Variants in SLC6A18 observed in about 807,000 individuals in gnomAD.
The protein encoded by SLC6A18 is solute carrier family 6 member 18, also known as inactive sodium-dependent neutral amino acid transporter B(0)AT3.
SLC6A18 carries 58 observed loss-of-function variants against 62.9 expected under a neutral mutation model. That is an observed-to-expected ratio of 0.92 (90% CI 0.75 to 1.15). The LOEUF (loss-of-function observed/expected upper bound fraction) is 1.15. Among genes scored for constraint, SLC6A18 ranks in the 50% most tolerant of loss-of-function variants. The probability of loss-of-function intolerance (pLI) is 0.00; values close to 1 mark genes in which losing one functional copy is unlikely to be tolerated. For synonymous variants in SLC6A18, 382 were observed against 365.8 expected (o/e 1.04, Z -0.51); for missense variants, 793 against 836.6 (o/e 0.95, Z 0.64).
At chr5:1,232,139 C>A in intron 1 of SLC6A18, 80 bp from the exon 2 acceptor site, 2 of 1,327,616 alleles carry the variant, frequency 1.5e-6, no homozygotes, top group Non-Finnish European at 2.1e-6. Flanking sequence ...TTGAAGACCA[C>A]AGGTGGCTCC....
rs750552565 is a variant in SLC6A18, at chr5:1,243,808, C to T, written c.1336+49C>T. The stretch of plus-strand genomic sequence containing the variant: ...TGGAGGACCCGTCCCCAGCATCTGA[C>T]TGTCCACTCCCGCCCGCTGTCCAGA... On this transcript the variant is annotated intron_variant, in intron 9 of 11. Coordinates refer to ENST00000324642, the MANE Select transcript of SLC6A18 (RefSeq NM_182632.3). The surrounding 1 kb of genome is among the most constrained non-coding windows in gnomAD (Gnocchi z 6.5). 6.9e-5 allele frequency: 104 copies of T among 1,511,756 alleles called. No homozygotes were observed. The highest frequency in any genetic ancestry group is 4.0e-4 in the Middle Eastern group (2 of 5,038). 93.6% of individuals were successfully genotyped at this position (1,511,756 alleles called of 1,614,324 possible).
intron 1 of SLC6A18, among the ~76,000 whole-genome samples, chr5:1,229,209 C>A (rs563370917): frequency 6.6e-6 from 1 of 152,060 alleles, no homozygotes; most frequent in Non-Finnish European, 1.5e-5. Context: ...GCTGTGGCCA[C>A]GATCTCGTAT....
intron 11 of SLC6A18, 115 bp from the exon 12 acceptor site, chr5:1,245,733 T>C (rs1747199432): frequency 1.7e-6 from 2 of 1,158,900 alleles, no homozygotes; most frequent in African/African-American, 1.6e-5. Context: ...GCCTTTTCCA[T>C]TCCCATCCAA....
chr5:1,232,261 G>A lies in SLC6A18; in HGVS notation c.203G>A (p.Gly68Glu), dbSNP rs1219905024. 1 of 1,612,998 alleles carries A rather than the reference G, an allele frequency of 6.2e-7. No individual in the cohort carries two copies. The highest frequency in any genetic ancestry group is 1.1e-5 in the South Asian group (1 of 90,826). Reference sequence around the variant, plus strand: ...TACGTCATCGCGCTGGTCTTCGAGGGGATCCCCATTTTCCACGTCGAGCTC... The same window carrying A: ...TACGTCATCGCGCTGGTCTTCGAGGAGATCCCCATTTTCCACGTCGAGCTC... Reference protein sequence around the residue: ...IPYVIALVFEGIPIFHVELAI... With the variant: ...IPYVIALVFEEIPIFHVELAI... The change falls in exon 2 of 12, where the codon GGG (glycine) becomes GAG (glutamate). Residue 68 changes from glycine to glutamate, a missense_variant. Coordinates refer to ENST00000324642, the MANE Select transcript of SLC6A18 (RefSeq NM_182632.3).
rs563072040 is a variant in SLC6A18, at chr5:1,239,856, C to T, written c.845+294C>T. ...CCTCAATGGTCACCTGAAATAGACTCAAGGCCCGTTGGTGCCGACATGAGC... is the reference window on the plus strand; with the variant it reads ...CCTCAATGGTCACCTGAAATAGACTTAAGGCCCGTTGGTGCCGACATGAGC... On this transcript the variant is annotated intron_variant, in intron 6 of 11. Coordinates refer to ENST00000324642, the MANE Select transcript of SLC6A18 (RefSeq NM_182632.3). Among the ~76,000 whole-genome samples, 6 of 152,348 alleles carry T rather than the reference C, an allele frequency of 3.9e-5. No individual in the cohort carries two copies. The South Asian group carries it at 1.2e-3, about 32-fold the overall frequency.
At position 1,244,351 on chromosome 5, in the gene SLC6A18, G is replaced by A. The variant is rs199799722; in HGVS notation, c.1474G>A (p.Val492Ile). Residue 492 changes from valine to isoleucine, a missense_variant, in exon 10 of 12, where the codon GTT becomes ATT. Physicochemically the swap from Val to Ile is conservative, Grantham distance 29 (BLOSUM62 3). Coordinates refer to ENST00000324642, the MANE Select transcript of SLC6A18 (RefSeq NM_182632.3). The stretch of plus-strand genomic sequence containing the variant: ...GGCCTTTCTCGAGGTTGTGGGTGTC[G>A]TTTATGTTTATGGAATGAAACGGTG... ...MLAFLEVVGV[V>I]YVYGMKRFCD... 13 of 1,614,124 alleles carry A rather than the reference G, an allele frequency of 8.1e-6. No homozygotes were observed. Among genetic ancestry groups the A allele is most frequent in the African/African-American group, 2.7e-5 (2 of 75,034 alleles).
Position 1,242,822 on chromosome 5 carries a change from C to A in SLC6A18, c.1090C>A (p.Leu364Ile), listed in dbSNP as rs746344297. ...CACCTGGCCCAAGAGGGTGGCCCAG[C>A]TCCCCCTGAAGGCCTGCCTCCTGGA... The part of the protein sequence containing the change: ...NATWPKRVAQ[L>I]PLKACLLEDF... The change falls in exon 8 of 12, where the codon CTC becomes ATC. Residue 364 changes from leucine (L) to isoleucine (I), a missense_variant. Transcript: ENST00000324642. 6.2e-7 allele frequency: 1 copy of A among 1,613,528 alleles called. No homozygotes were observed. Among genetic ancestry groups the A allele is most frequent in the Non-Finnish European group, 8.5e-7 (1 of 1,179,652 alleles).
chr5:1,232,351 G>A lies in SLC6A18; in HGVS notation c.293G>A (p.Ser98Asn), dbSNP rs775308596. ...TGGACGGCCATCTCCCCGTACCTCA[G>A]TGGAGTAGGTAGGCCACCGTCCTCG... ...GVWTAISPYL[S>N]GVGLGCVTLS... The change falls in exon 2 of 12, where the codon AGT (serine) becomes AAT (asparagine). Residue 98 changes from serine to asparagine, a missense_variant. Transcript: ENST00000324642. 7.5e-6 allele frequency: 12 copies of A among 1,610,326 alleles called. No homozygotes were observed. The highest frequency in any genetic ancestry group is 1.8e-4 in the Middle Eastern group (1 of 5,446).
chr5:1,231,702 C>T (rs1044988950), intron 1 of SLC6A18, among the ~76,000 whole-genome samples: 4 of 152,202 alleles, frequency 2.6e-5, no homozygotes, highest in African/African-American at 9.7e-5. Flanking sequence ...CATGCTCAGT[C>T]AGCACTTTAT....
intron 7 of SLC6A18, among the ~76,000 whole-genome samples, chr5:1,242,004 C>T (rs1035199362): frequency 6.7e-6 from 1 of 150,010 alleles, no homozygotes; most frequent in Admixed American, 6.6e-5. Context: ...ATCCATGTGT[C>T]CCGCCCTTGG....
chr5:1,225,522 G>A lies in SLC6A18; in HGVS notation c.45G>A (p.Gly15=), dbSNP rs142708752. 29 of 1,613,386 alleles carry A rather than the reference G, an allele frequency of 1.8e-5. No homozygotes were observed. The South Asian group carries it at 3.0e-4, about 16-fold the overall frequency. The change falls in exon 1 of 12, where the codon GGG becomes GGA. Residue 15 remains glycine, a synonymous_variant. Transcript: ENST00000324642. ...PEPDPAACDL[G]DERPKWDNKA... is the part of the protein sequence containing the mutation. ...CGGACCCGGCCGCCTGCGACCTCGG[G>A]GATGAGAGGCCCAAGTGGGACAACA...
At position 1,243,929 on chromosome 5, in the gene SLC6A18, G is replaced by A. The variant is rs1024034894; in HGVS notation, c.1336+170G>A. On this transcript the variant is annotated intron_variant, in intron 9 of 11. Coordinates refer to ENST00000324642, the MANE Select transcript of SLC6A18 (RefSeq NM_182632.3). This position sits in a 1 kb window ranked among gnomAD's most constrained non-coding sequence, Gnocchi z 6.5. The stretch of plus-strand genomic sequence containing the variant: ...TGCTGACAGCCATCAACGGAGAGCC[G>A]AGGGTCGAGGGAGGGTCAGGGCTGC... Among the ~76,000 whole-genome samples the A allele has an allele frequency of 3.9e-5, 6 of 152,180 alleles. No homozygotes were observed. The highest frequency in any genetic ancestry group is 1.9e-4 in the East Asian group (1 of 5,186).
At chr5:1,232,444 T>A in intron 2 of SLC6A18, 85 bp downstream of exon 2, 2 of 1,485,416 alleles carry the variant, frequency 1.3e-6, no homozygotes, top group Non-Finnish European at 1.8e-6. Flanking sequence ...GGCGGGTCCA[T>A]GCCTGTGGTA....
rs527582943 is a variant in SLC6A18, at chr5:1,245,148, C to T, written c.1656+381C>T. Reference sequence around the variant, plus strand: ...GGCATGGGGACGGGCAGCCGGACAACGGCCCATTCCTGGTCTGTGACAAGA... The same window carrying T: ...GGCATGGGGACGGGCAGCCGGACAATGGCCCATTCCTGGTCTGTGACAAGA... On this transcript the variant is annotated intron_variant, in intron 11 of 11. Transcript: ENST00000324642. 1.4e-4 allele frequency among the ~76,000 whole-genome samples: 21 copies of T among 152,304 alleles called. No homozygotes were observed. The East Asian group carries it at 4.1e-3, about 29-fold the overall frequency.
chr5:1,230,719 C>A (rs915010902), intron 1 of SLC6A18, among the ~76,000 whole-genome samples: 1 of 152,198 alleles, frequency 6.6e-6, no homozygotes, highest in East Asian at 1.9e-4. Flanking sequence ...TGGGAGATGC[C>A]AGGCGCGGAG....
chr5:1,231,402 C>T (rs957358759), intron 1 of SLC6A18, among the ~76,000 whole-genome samples: 377 of 152,300 alleles, frequency 2.5e-3, no homozygotes, highest in African/African-American at 8.8e-3. Flanking sequence ...AGTGGGGGGA[C>T]TGGTCCAGCC....
Position 1,240,529 on chromosome 5 carries a change from A to G in SLC6A18, c.846-2A>G. ...CTGTGATGAGCGTGCGTTTGTGCCCAGGAATGACTGCCAGAAGGATGCGGT... is the reference window on the plus strand; with the variant it reads ...CTGTGATGAGCGTGCGTTTGTGCCCGGGAATGACTGCCAGAAGGATGCGGT... On this transcript the variant is annotated splice_acceptor_variant, in intron 6 of 11. Coordinates refer to ENST00000324642, the MANE Select transcript of SLC6A18 (RefSeq NM_182632.3). LOFTEE classifies it high-confidence loss of function. 3 of 1,614,126 alleles carry G rather than the reference A, an allele frequency of 1.9e-6. No individual in the cohort carries two copies. The South Asian group carries it at 3.3e-5, about 18-fold the overall frequency.
In SLC6A18 at chr5:1,246,026, A is replaced by G. The variant is rs137942721; in HGVS notation, c.1835A>G (p.Asp612Gly). ...DARPDTDMRPDTDTRPDTDMR... is the reference protein window; with the variant it reads ...DARPDTDMRPGTDTRPDTDMR... ...CGCCCAGACACGGACATGCGCCCGG[A>G]CACGGACACGCGCCCAGACACGGAC... The change falls in exon 12 of 12, where the codon GAC becomes GGC. Residue 612 changes from aspartate (D) to glycine (G), a missense_variant. Transcript: ENST00000324642. 1.3e-6 allele frequency: 2 copies of G among 1,594,414 alleles called. No homozygotes were observed. Among genetic ancestry groups the G allele is most frequent in the Admixed American group, 3.4e-5 (2 of 59,092 alleles).
In SLC6A18 at chr5:1,243,461, C is replaced by T. The variant is rs1010222986; in HGVS notation, c.1132-94C>T. On this transcript the variant is annotated intron_variant, in intron 8 of 11. Coordinates refer to ENST00000324642, the MANE Select transcript of SLC6A18 (RefSeq NM_182632.3). The surrounding 1 kb of genome is among the most constrained non-coding windows in gnomAD (Gnocchi z 6.5). The stretch of plus-strand genomic sequence containing the variant: ...GAGGGGTGATGTGCACTCGTGTCCT[C>T]GGCCTGGGAGAGTGTGTGTCCTGCA... 35 of 1,421,534 alleles carry T rather than the reference C, an allele frequency of 2.5e-5. No homozygotes were observed. Among genetic ancestry groups the T allele is most frequent in the South Asian group, 3.8e-5 (3 of 79,354 alleles). 88.1% of individuals were successfully genotyped at this position (1,421,534 alleles called of 1,614,324 possible).
Sources: allele counts gnomAD v4.1 joint callset (sites outside exome capture counted in the v4.1 genomes callset), GRCh38; gene constraint gnomAD v4.1.1; non-coding constraint Gnocchi (gnomAD v3.1); transcripts MANE v1.5; gene names NCBI Gene and HGNC (gene_info 2026-07-23, HGNC 2026-07-21).